NEGR1: variants seen among roughly 807,000 people sequenced by gnomAD.
The protein encoded by NEGR1 is neuronal growth regulator 1, also known as IgLON family member 4.
NEGR1 carries 10 observed loss-of-function variants against 40.9 expected under a neutral mutation model. That is an observed-to-expected ratio of 0.24 (90% CI 0.15 to 0.42). The LOEUF is 0.42. Ranked by LOEUF, NEGR1 falls within the 10% of genes least tolerant of loss-of-function variation. NEGR1 has a pLI of 1.00. For synonymous variants in NEGR1, 185 were observed against 166.8 expected (o/e 1.11, Z -0.84); for missense variants, 352 against 438.9 (o/e 0.80, Z 1.77).
intron 6 of NEGR1, among the ~76,000 whole-genome samples, chr1:71,586,602 T>A (rs1243584174): frequency 6.6e-6 from 1 of 152,162 alleles, no homozygotes; most frequent in Non-Finnish European, 1.5e-5. Flanking sequence ...GGCAATTTGG[T>A]GACCTGGAGC....
At chr1:71,812,270 ACC>A (rs1336081982) in intron 2 of NEGR1, among the ~76,000 whole-genome samples, 7 of 152,038 alleles carry the variant, frequency 4.6e-5, no homozygotes, top group Non-Finnish European at 1.0e-4. Flanking sequence ...GTATATATGT[ACC>A]ACATTTTCTT....
intron 2 of NEGR1, among the ~76,000 whole-genome samples, chr1:71,842,521 T>C (rs1344004709): frequency 6.6e-6 from 1 of 152,168 alleles, no homozygotes; most frequent in African/African-American, 2.4e-5. Context: ...TATTTTTCAT[T>C]ATAGTTAGTA....
rs370964275 is a variant in NEGR1 at position 71,697,997 on chromosome 1, A to T, written c.667+11T>A. The T allele has an allele frequency of 6.2e-7, 1 of 1,607,050 alleles. No homozygotes were observed. The highest frequency in any genetic ancestry group is 8.5e-7 in the Non-Finnish European group (1 of 1,176,568). ...TCAGAACTTATCTTGATAAAAGGTG[A>T]TGACACTTACAGTTGACAACAACTT... On this transcript the variant is annotated intron_variant, in intron 4 of 6. Coordinates refer to ENST00000357731, the MANE Select transcript of NEGR1 (RefSeq NM_173808.3).
At chr1:72,017,673 TA>T (rs1404712046) in intron 1 of NEGR1, among the ~76,000 whole-genome samples, 99 of 151,856 alleles carry the variant, frequency 6.5e-4, no homozygotes, top group African/African-American at 5.3e-4. Context: ...ACAATCCAAT[TA>T]TTTTTTTTTT....
Position 71,860,523 on chromosome 1 carries a change from T to C in NEGR1, c.409+74556A>G, listed in dbSNP as rs1423777182. ...TGTTTCATTAGAGTGACTCTGCAAC[T>C]CCAAAGTCTAATAAAATTATGTTTG... On this transcript the variant is annotated intron_variant, in intron 2 of 6. Coordinates refer to ENST00000357731, the MANE Select transcript of NEGR1 (RefSeq NM_173808.3). Among the ~76,000 whole-genome samples the C allele has an allele frequency of 2.0e-5, 3 of 151,952 alleles. No homozygotes were observed. The East Asian group carries it at 5.8e-4, about 29-fold the overall frequency.
intron 2 of NEGR1, among the ~76,000 whole-genome samples, chr1:71,897,983 C>T (rs1661018560): frequency 6.6e-6 from 1 of 152,096 alleles, no homozygotes; most frequent in African/African-American, 2.4e-5. Context: ...AGCCAACAGA[C>T]AATTTTACTT....
intron 2 of NEGR1, among the ~76,000 whole-genome samples, chr1:71,857,106 A>G (rs180710811): frequency 3.3e-5 from 5 of 152,126 alleles, no homozygotes; most frequent in East Asian, 3.9e-4. Context: ...AGTGAAAATG[A>G]CAGTGGTTAG....
At chr1:71,471,238 T>C (rs1262188055) in intron 6 of NEGR1, among the ~76,000 whole-genome samples, 4 of 152,178 alleles carry the variant, frequency 2.6e-5, no homozygotes, top group Non-Finnish European at 5.9e-5. Flanking sequence ...AAAACATCAA[T>C]GGTTTATGTC....
chr1:71,435,110 CAA>C (rs756919652), intron 6 of NEGR1, among the ~76,000 whole-genome samples: 1 of 150,128 alleles, frequency 6.7e-6, no homozygotes, highest in African/African-American at 2.5e-5. Context: ...AACAAACAAA[CAA>C]AAAAAAAAAA....
chr1:71,992,016 A>G (rs2100360309), intron 1 of NEGR1, among the ~76,000 whole-genome samples: 1 of 152,034 alleles, frequency 6.6e-6, no homozygotes, highest in Non-Finnish European at 1.5e-5. Context: ...GCTGGTCACG[A>G]ACTCCTGAGC....
chr1:71,787,298 C>T (rs1168441689), intron 2 of NEGR1, among the ~76,000 whole-genome samples: 1 of 152,132 alleles, frequency 6.6e-6, no homozygotes, highest in African/African-American at 2.4e-5. Context: ...GACAATGGAA[C>T]AAAGTAAAGC....
intron 3 of NEGR1, among the ~76,000 whole-genome samples, chr1:71,760,806 C>A (rs894149266): frequency 5.3e-5 from 8 of 152,112 alleles, no homozygotes; most frequent in Non-Finnish European, 1.2e-4. Context: ...TACATGTACA[C>A]AGTCTGTTCA....
At chr1:72,199,142 TAGACAGACAGAG>T (rs1388661171) in intron 1 of NEGR1, among the ~76,000 whole-genome samples, 1 of 143,066 alleles carries the variant, frequency 7.0e-6, no homozygotes, top group African/African-American at 2.6e-5. Context: ...TCTATCTAGA[TAGACAGACAGAG>T]AGAGAGAGAG....
chr1:72,108,935 G>A (rs1021639586), intron 1 of NEGR1, among the ~76,000 whole-genome samples: 1 of 151,254 alleles, frequency 6.6e-6, no homozygotes, highest in East Asian at 1.9e-4. Flanking sequence ...AAAACACAAC[G>A]CTACTTAATA....
At chr1:72,152,526 G>T (rs1651163408) in intron 1 of NEGR1, among the ~76,000 whole-genome samples, 1 of 151,990 alleles carries the variant, frequency 6.6e-6, no homozygotes, top group African/African-American at 2.4e-5. Context: ...ATAGACTGTT[G>T]TTGCAAATGT....
At chr1:71,997,230 A>G (rs940621331) in intron 1 of NEGR1, among the ~76,000 whole-genome samples, 2 of 152,014 alleles carry the variant, frequency 1.3e-5, no homozygotes, top group African/African-American at 4.8e-5. Flanking sequence ...AGGTCTCTAT[A>G]AGTCAATTCT....
At chr1:71,734,518 T>C (rs910865190) in intron 3 of NEGR1, among the ~76,000 whole-genome samples, 2 of 152,302 alleles carry the variant, frequency 1.3e-5, no homozygotes, top group Admixed American at 1.3e-4. Flanking sequence ...CTTTTCTCCT[T>C]TCTTTCTCCT....
intron 1 of NEGR1, among the ~76,000 whole-genome samples, chr1:72,042,738 G>T (rs1646967101): frequency 6.6e-6 from 1 of 151,950 alleles, no homozygotes; most frequent in African/African-American, 2.4e-5. Context: ...TTGGAATTTT[G>T]TATATTACAC....
At chr1:71,894,219 T>G (rs1298795607) in intron 2 of NEGR1, among the ~76,000 whole-genome samples, 1 of 138,288 alleles carries the variant, frequency 7.2e-6, no homozygotes, top group Non-Finnish European at 1.6e-5. Context: ...ACTTAAAGTA[T>G]AATAATAATA....
Sources: allele counts gnomAD v4.1 joint callset (sites outside exome capture counted in the v4.1 genomes callset), GRCh38; gene constraint gnomAD v4.1.1; transcripts MANE v1.5; gene names NCBI Gene and HGNC (gene_info 2026-07-23, HGNC 2026-07-21).